MAEL: variants seen among roughly 807,000 people sequenced by gnomAD.
MAEL encodes maelstrom spermatogenic transposon silencer.
MAEL carries 46 observed loss-of-function variants against 62.0 expected under a neutral mutation model. The observed-to-expected ratio is 0.74, with a 90% CI of 0.59 to 0.95. The LOEUF is 0.95. Among genes scored for constraint, MAEL ranks in the 40% least tolerant of loss-of-function variants. The probability of loss-of-function intolerance (pLI) is 0.00; values close to 1 mark genes in which losing one functional copy is unlikely to be tolerated. For synonymous variants in MAEL, 172 were observed against 175.5 expected, an observed-to-expected ratio of 0.98 and a Z score of 0.16; for missense variants, 497 against 526.8, an observed-to-expected ratio of 0.94 and a Z score of 0.55.
intron 6 of MAEL, 111 bp downstream of exon 6, chr1:167,004,415 AAC>A (rs1396594876): frequency 9.7e-6 from 9 of 930,684 alleles, no homozygotes; most frequent in Non-Finnish European, 1.4e-5. Context: ...TGTGTCTTAA[AAC>A]ACACTCATTT....
intron 8 of MAEL, among the ~76,000 whole-genome samples, chr1:167,010,180 C>T (rs1236760508): frequency 6.6e-6 from 1 of 152,172 alleles, no homozygotes; most frequent in Non-Finnish European, 1.5e-5. Flanking sequence ...TTCCATTCTG[C>T]TGCCTTGTGA....
chr1:166,996,515 G>C lies in MAEL; in HGVS notation c.523+2446G>C, dbSNP rs191181412. 1.8e-4 allele frequency among the ~76,000 whole-genome samples: 28 copies of C among 152,218 alleles called. No individual in the cohort carries two copies. The East Asian group carries it at 5.4e-3, about 29-fold the overall frequency. On this transcript the variant is annotated intron_variant, in intron 5 of 11. Coordinates refer to ENST00000367872, the MANE Select transcript of MAEL (RefSeq NM_032858.3). ...TTTTCAAAGGAAGCTTCTACACACA[G>C]AACAGATTATAACATTTATTTAAGG...
intron 5 of MAEL, among the ~76,000 whole-genome samples, chr1:166,994,911 G>T (rs992147136): frequency 6.7e-6 from 1 of 149,394 alleles, no homozygotes; most frequent in African/African-American, 2.5e-5. Flanking sequence ...CTTGTGATCC[G>T]CCCACATCGG....
At position 167,017,972 on chromosome 1, in the gene MAEL, CTT is replaced by C; in HGVS notation, c.1041+16_1041+17del. 1 of 1,611,214 alleles carries C rather than the reference CTT, an allele frequency of 6.2e-7. No individual in the cohort carries two copies. Among genetic ancestry groups the C allele is most frequent in the East Asian group, 2.2e-5 (1 of 44,836 alleles). On this transcript the variant is annotated intron_variant, in intron 10 of 11. Coordinates refer to ENST00000367872, the MANE Select transcript of MAEL (RefSeq NM_032858.3). Reference sequence around the variant, plus strand: ...AGGGCGTTACCAGGTAAGGAACTGACTTTTAAGAGCTGCTGGTCTCTTTAGCT... The same window carrying C: ...AGGGCGTTACCAGGTAAGGAACTGACTTAAGAGCTGCTGGTCTCTTTAGCT...
At chr1:166,996,899 T>C (rs1664449820) in intron 5 of MAEL, among the ~76,000 whole-genome samples, 1 of 152,128 alleles carries the variant, frequency 6.6e-6, no homozygotes, top group Non-Finnish European at 1.5e-5. Context: ...TGATCTCAGC[T>C]CACTGCAACC....
At chr1:166,978,670 A>T (rs1271733415) in intron 1 of MAEL, among the ~76,000 whole-genome samples, 1 of 152,216 alleles carries the variant, frequency 6.6e-6, no homozygotes, top group African/African-American at 2.4e-5. Context: ...AGTAATGTTT[A>T]AGAAGCAATA....
rs1390125579 is a variant in MAEL, at chr1:166,989,470, T to C, written c.118T>C (p.Ser40Pro). ...ARVADAIPYC[S>P]SDWALLREEE... ...CGTTGCTGATGCCATCCCTTACTGC[T>C]CCTCAGACTGGGCGGTAAGGCTGGA... is the stretch of plus-strand genomic sequence containing the variant. The change falls in exon 1 of 12, where the codon TCC (serine) becomes CCC (proline). Residue 40 changes from serine (S) to proline (P), a missense_variant. Transcript: ENST00000367872. The C allele has an allele frequency of 2.0e-5, 32 of 1,586,708 alleles. No homozygotes were observed. Among genetic ancestry groups the C allele is most frequent in the Non-Finnish European group, 2.5e-5 (29 of 1,166,610 alleles).
chr1:166,984,657 T>G (rs542418676), upstream of MAEL, among the ~76,000 whole-genome samples: 1 of 152,314 alleles, frequency 6.6e-6, no homozygotes, highest in East Asian at 1.9e-4. Context: ...TCCCTGTTGA[T>G]CACTCCAACC....
chr1:167,021,702 A>C lies in MAEL; in HGVS notation c.1152A>C (p.Gln384His). 1 of 1,611,290 alleles carries C rather than the reference A, an allele frequency of 6.2e-7. No individual in the cohort carries two copies. Among genetic ancestry groups the C allele is most frequent in the Non-Finnish European group, 8.5e-7 (1 of 1,179,136 alleles). The change falls in exon 12 of 12, where the codon CAA (glutamine) becomes CAC (histidine). Residue 384 changes from glutamine to histidine, a missense_variant. Transcript: ENST00000367872. Reference sequence around the variant, plus strand: ...CATCTAGGGCAAAAATTTCTGGCCAAAACAGCAGCGTTCGGGGAAGAGGAA... The same window carrying C: ...CATCTAGGGCAAAAATTTCTGGCCACAACAGCAGCGTTCGGGGAAGAGGAA... ...DYPSRAKISG[Q>H]NSSVRGRGIT...
chr1:166,981,977 A>C lies in MAEL; in HGVS notation c.-121+6311A>C, dbSNP rs1209668585. Among the ~76,000 whole-genome samples the C allele has an allele frequency of 5.3e-5, 8 of 152,328 alleles. 1 individual carries two copies. In the South Asian group the frequency reaches 1.2e-3, roughly 24 times the overall value. On this transcript the variant is annotated intron_variant, in intron 1 of 12. Coordinates refer to the MAEL transcript ENST00000622874. ...TGATGGAGACAGAGACAACAGATTGAGGTCTCTTCCATGGGAGAGCTCATT... is the reference window on the plus strand; with the variant it reads ...TGATGGAGACAGAGACAACAGATTGCGGTCTCTTCCATGGGAGAGCTCATT...
chr1:167,001,309 G>A (rs1334291850), intron 5 of MAEL, among the ~76,000 whole-genome samples: 1 of 152,124 alleles, frequency 6.6e-6, no homozygotes, highest in African/African-American at 2.4e-5. Flanking sequence ...ATTGGGTTCG[G>A]TGTATACTAC....
At chr1:166,987,645 A>G (rs1471572793), upstream of MAEL, among the ~76,000 whole-genome samples, 3 of 152,242 alleles carry the variant, frequency 2.0e-5, no homozygotes, top group Non-Finnish European at 4.4e-5. Flanking sequence ...AATACACTAG[A>G]AAAATCTAAA....
At chr1:167,006,431 G>T (rs1262873441) in intron 8 of MAEL, among the ~76,000 whole-genome samples, 4 of 151,598 alleles carry the variant, frequency 2.6e-5, no homozygotes, top group Non-Finnish European at 5.9e-5. Flanking sequence ...TTGAGATTAT[G>T]CATTTTTGGC....
At chr1:167,019,754 T>TG (rs1308028208) in intron 10 of MAEL, among the ~76,000 whole-genome samples, 1 of 152,172 alleles carries the variant, frequency 6.6e-6, no homozygotes, top group African/African-American at 2.4e-5. Context: ...TTATCCAGGA[T>TG]GTAGTACCTT....
In MAEL at chr1:167,003,264, A is replaced by G. The variant is rs935327673; in HGVS notation, c.524-916A>G. 3.3e-5 allele frequency among the ~76,000 whole-genome samples: 5 copies of G among 152,276 alleles called. No homozygotes were observed. The South Asian group carries it at 6.2e-4, about 19-fold the overall frequency. ...CACACCTGGCTTCCTGAATCTTTAT[A>G]CATAATTAACAATTTTATGCTAAAA... is the stretch of plus-strand genomic sequence containing the variant. On this transcript the variant is annotated intron_variant, in intron 5 of 11. Transcript: ENST00000367872.
At chr1:167,016,784 T>C (rs937502763) in intron 9 of MAEL, among the ~76,000 whole-genome samples, 1 of 152,102 alleles carries the variant, frequency 6.6e-6, no homozygotes, top group Non-Finnish European at 1.5e-5. Flanking sequence ...TTATACACAA[T>C]AGAGTACTAT....
chr1:167,009,453 C>A (rs1282712747), intron 8 of MAEL, among the ~76,000 whole-genome samples: 1 of 152,012 alleles, frequency 6.6e-6, no homozygotes, highest in Non-Finnish European at 1.5e-5. Flanking sequence ...ATCATTTTGC[C>A]TGGAGACTTT....
At position 166,989,494 on chromosome 1, in the gene MAEL, GA is replaced by G; in HGVS notation, c.132+11del. On this transcript the variant is annotated intron_variant, in intron 1 of 11. Transcript: ENST00000367872. The stretch of plus-strand genomic sequence containing the variant: ...CTCCTCAGACTGGGCGGTAAGGCTG[GA>G]GCGGAGTGAGAGGGCTGGGCAGGGC... The G allele has an allele frequency of 6.3e-7, 1 of 1,580,686 alleles. No individual in the cohort carries two copies. Among genetic ancestry groups the G allele is most frequent in the East Asian group, 2.3e-5 (1 of 43,560 alleles).
chr1:167,016,405 CA>C, intron 9 of MAEL, 121 bp downstream of exon 9: 2 of 823,800 alleles, frequency 2.4e-6, no homozygotes, highest in Non-Finnish European at 2.0e-6. Context: ...TCTTTCAAAA[CA>C]AAGGGGGTCA....
Sources: allele counts gnomAD v4.1 joint callset (sites outside exome capture counted in the v4.1 genomes callset), GRCh38; gene constraint gnomAD v4.1.1; transcripts MANE v1.5; gene names NCBI Gene and HGNC (gene_info 2026-07-23, HGNC 2026-07-21).